The following FILIP1 variants were observed in gnomAD, a reference collection of about 807,000 sequenced individuals.
FILIP1 encodes the protein filamin-A-interacting protein 1.
A neutral mutation model predicts 102.1 loss-of-function variants in FILIP1; 61 were observed. The ratio of observed to expected loss-of-function variants is 0.60; its 90% CI spans 0.49 to 0.74. The LOEUF is 0.74. FILIP1 is among the 30% of genes least tolerant of loss of function. The pLI is 0.00. For synonymous variants in FILIP1, 491 were observed against 526.9 expected, an observed-to-expected ratio of 0.93 and a Z score of 0.93; for missense variants, 1,314 against 1,441.2, an observed-to-expected ratio of 0.91 and a Z score of 1.43.
At chr6:75,479,491 G>T (rs1466002015) in intron 1 of FILIP1, among the ~76,000 whole-genome samples, 1 of 152,048 alleles carries the variant, frequency 6.6e-6, no homozygotes, top group Non-Finnish European at 1.5e-5. Flanking sequence ...TATCAGTAAG[G>T]TTAAATAGTT....
chr6:75,445,193 A>G (rs1289057968), intron 1 of FILIP1, among the ~76,000 whole-genome samples: 2 of 152,144 alleles, frequency 1.3e-5, no homozygotes, highest in Non-Finnish European at 2.9e-5. Context: ...TTTTCAACAC[A>G]AAAGTGGTTT....
At chr6:75,310,207 T>A (rs1017084871) in intron 5 of FILIP1, among the ~76,000 whole-genome samples, 2 of 152,254 alleles carry the variant, frequency 1.3e-5, no homozygotes, top group Non-Finnish European at 1.5e-5. Context: ...GTCTACAAAA[T>A]CCTTCTCTTT....
At chr6:75,461,587 T>C (rs1779023927) in intron 1 of FILIP1, among the ~76,000 whole-genome samples, 1 of 152,238 alleles carries the variant, frequency 6.6e-6, no homozygotes, top group African/African-American at 2.4e-5. Flanking sequence ...GTAACATAGT[T>C]TCCCTCAGGA....
At chr6:75,461,153 C>A (rs568431705) in intron 1 of FILIP1, among the ~76,000 whole-genome samples, 1 of 152,302 alleles carries the variant, frequency 6.6e-6, no homozygotes, top group Admixed American at 6.5e-5. Context: ...GTGATAATAA[C>A]AATACAAGCA....
At chr6:75,307,293 A>T (rs1773016484), downstream of FILIP1, among the ~76,000 whole-genome samples, 1 of 152,218 alleles carries the variant, frequency 6.6e-6, no homozygotes, top group African/African-American at 2.4e-5. Context: ...ATCATGAAAC[A>T]TGTTGAATCA....
chr6:75,418,066 C>T (rs761926896), intron 1 of FILIP1, among the ~76,000 whole-genome samples: 35 of 152,114 alleles, frequency 2.3e-4, no homozygotes, highest in African/African-American at 8.0e-4. Context: ...GGCATGGTGG[C>T]GTGCGCCTGT....
At chr6:75,482,064 C>T (rs1779663570) in intron 1 of FILIP1, among the ~76,000 whole-genome samples, 1 of 152,084 alleles carries the variant, frequency 6.6e-6, no homozygotes, top group Admixed American at 6.6e-5. Flanking sequence ...TCTGGTTTTC[C>T]CCCTTGTCCT....
intron 2 of FILIP1, among the ~76,000 whole-genome samples, chr6:75,397,568 ACACACACACACG>A (rs1776508053): frequency 1.2e-5 from 1 of 80,760 alleles, no homozygotes; most frequent in African/African-American, 7.7e-5. Flanking sequence ...ACACACACAC[ACACACACACACG>A]TATACATATA....
rs1209097184 is a variant in FILIP1, at chr6:75,460,869, A to G, written c.-7+32545T>C. Among the ~76,000 whole-genome samples the G allele has an allele frequency of 2.0e-5, 3 of 152,194 alleles. No individual in the cohort carries two copies. In the East Asian group the frequency reaches 5.8e-4, roughly 29 times the overall value. ...TTTTTTCTGGCTTTGATTGGACATG[A>G]TTTGCTTATAAGAGAGATAAGACAT... is the stretch of plus-strand genomic sequence containing the variant. On this transcript the variant is annotated intron_variant, in intron 1 of 5. Transcript: ENST00000237172.
intron 4 of FILIP1, among the ~76,000 whole-genome samples, chr6:75,325,417 G>C (rs1277224555): frequency 6.6e-6 from 1 of 152,064 alleles, no homozygotes; most frequent in Non-Finnish European, 1.5e-5. Context: ...GCGAGACTCT[G>C]TCTCAAAAAA....
downstream of FILIP1, among the ~76,000 whole-genome samples, chr6:75,307,080 G>C (rs1773009388): frequency 6.6e-6 from 1 of 152,206 alleles, no homozygotes; most frequent in Admixed American, 6.5e-5. Flanking sequence ...TGGGATTACA[G>C]GCATGAGCCA....
chr6:75,317,053 A>T (rs1477694244), intron 4 of FILIP1, among the ~76,000 whole-genome samples: 1 of 152,206 alleles, frequency 6.6e-6, no homozygotes. Context: ...TAGGAATACT[A>T]TGCCTCTATA....
chr6:75,460,117 C>T (rs1189955475), intron 1 of FILIP1, among the ~76,000 whole-genome samples: 1 of 152,156 alleles, frequency 6.6e-6, no homozygotes, highest in Non-Finnish European at 1.5e-5. Context: ...CTCCTCAGCC[C>T]AGTCAGTTGG....
chr6:75,364,388 C>T (rs183116465), intron 2 of FILIP1, among the ~76,000 whole-genome samples: 188 of 152,246 alleles, frequency 1.2e-3, no homozygotes, highest in African/African-American at 4.3e-3. Flanking sequence ...CAGAGCACAG[C>T]TTACGTAGTG....
At chr6:75,383,525 A>G (rs980469844) in intron 2 of FILIP1, among the ~76,000 whole-genome samples, 4 of 152,190 alleles carry the variant, frequency 2.6e-5, no homozygotes, top group African/African-American at 9.6e-5. Flanking sequence ...AGAAGTGGTT[A>G]AACAAAATGA....
intron 2 of FILIP1, among the ~76,000 whole-genome samples, chr6:75,409,928 C>T (rs1300510116): frequency 6.6e-6 from 1 of 152,100 alleles, no homozygotes. Context: ...AGCACCTATT[C>T]CCTATCCCCT....
At chr6:75,381,699 T>A (rs2842451) in intron 2 of FILIP1, among the ~76,000 whole-genome samples, 1 of 152,124 alleles carries the variant, frequency 6.6e-6, no homozygotes, top group East Asian at 1.9e-4. Context: ...AGTCTGACTT[T>A]GGATTTGTAG....
At chr6:75,365,196 A>G (rs1775289209) in intron 2 of FILIP1, among the ~76,000 whole-genome samples, 1 of 134,096 alleles carries the variant, frequency 7.5e-6, no homozygotes, top group African/African-American at 3.2e-5. Flanking sequence ...TCCTTTGAAA[A>G]AATAAATAAA....
At chr6:75,446,055 A>G (rs1206128292) in intron 1 of FILIP1, among the ~76,000 whole-genome samples, 1 of 152,210 alleles carries the variant, frequency 6.6e-6, no homozygotes, top group Non-Finnish European at 1.5e-5. Context: ...ATTTACACAG[A>G]GAAAACTTAA....
Sources: gnomAD v4.1 joint callset for allele counts (sites outside exome capture counted in the v4.1 genomes callset) on GRCh38, gnomAD v4.1.1 for gene constraint, MANE v1.5 for transcripts, NCBI Gene and HGNC (gene_info 2026-07-23, HGNC 2026-07-21) for gene names.